Variants in FRMD4B observed in about 807,000 individuals in gnomAD.
FRMD4B encodes FERM domain-containing protein 4B.
Under a neutral mutation model 141.5 loss-of-function variants are expected in FRMD4B, and 74 were observed. The ratio of observed to expected loss-of-function variants is 0.52; its 90% confidence interval spans 0.43 to 0.63. The LOEUF is 0.63. Ranked by LOEUF, FRMD4B falls within the 30% of genes least tolerant of loss-of-function variation. The pLI is 0.00. For synonymous variants in FRMD4B, 506 were observed against 467.9 expected (o/e 1.08, Z -1.05); for missense variants, 1,366 against 1,253.4 (o/e 1.09, Z -1.36).
At chr3:69,235,421 A>T (rs564947755) in intron 7 of FRMD4B, among the ~76,000 whole-genome samples, 33 of 151,992 alleles carry the variant, frequency 2.2e-4, no homozygotes, top group African/African-American at 8.0e-4. Flanking sequence ...GCACTTTGGG[A>T]GGCAGAGGTG....
chr3:69,401,086 A>T (rs76383350), intron 2 of FRMD4B, among the ~76,000 whole-genome samples: 1 of 152,282 alleles, frequency 6.6e-6, no homozygotes. Context: ...TTTAAGATAC[A>T]CAGCATAGAA....
chr3:69,230,315 T>C (rs961842032), intron 7 of FRMD4B, among the ~76,000 whole-genome samples: 1 of 152,178 alleles, frequency 6.6e-6, no homozygotes, highest in African/African-American at 2.4e-5. Context: ...CTAGTTTATA[T>C]GGAGATGAAG....
At chr3:69,380,876 G>A (rs998725029) in intron 1 of FRMD4B, among the ~76,000 whole-genome samples, 1 of 152,190 alleles carries the variant, frequency 6.6e-6, no homozygotes, top group African/African-American at 2.4e-5. Context: ...GTTAGAACAT[G>A]TCACACTTAA....
At chr3:69,427,340 C>T (rs1436171666) in intron 2 of FRMD4B, among the ~76,000 whole-genome samples, 1 of 148,254 alleles carries the variant, frequency 6.7e-6, no homozygotes, top group Non-Finnish European at 1.5e-5. Flanking sequence ...GTTTTTTTGG[C>T]AACTCATTGT....
chr3:69,213,148 C>T (rs570173403), intron 11 of FRMD4B, among the ~76,000 whole-genome samples: 1 of 152,024 alleles, frequency 6.6e-6, no homozygotes, highest in Non-Finnish European at 1.5e-5. Flanking sequence ...AGAAATATGG[C>T]AAGGTATGAA....
intron 1 of FRMD4B, among the ~76,000 whole-genome samples, chr3:69,538,739 G>C (rs895914277): frequency 1.3e-5 from 2 of 152,170 alleles, no homozygotes; most frequent in African/African-American, 2.4e-5. Context: ...AAATTACCTA[G>C]AGGGTTTATC....
rs1432605913 is a variant in FRMD4B at position 69,473,375 on chromosome 3, T to C, written c.-128-40614A>G. 3.9e-5 allele frequency among the ~76,000 whole-genome samples: 6 copies of C among 152,248 alleles called. No homozygotes were observed. In the East Asian group the frequency reaches 1.2e-3, roughly 29 times the overall value. On this transcript the variant is annotated intron_variant, in intron 1 of 5. Transcript: ENST00000459638. ...AGTCCAGTTACAGGGTTAGAATAAA[T>C]AAAGGCCAATTCGATTTCCAGTCTA...
At chr3:69,536,351 C>T (rs1270618566) in intron 1 of FRMD4B, 24 of 676,610 alleles carry the variant, frequency 3.5e-5, no homozygotes, top group Middle Eastern at 2.5e-4. Flanking sequence ...CCCCTTGCTT[C>T]GGAGTTGAGG....
At chr3:69,507,422 G>T (rs1039269105) in intron 1 of FRMD4B, among the ~76,000 whole-genome samples, 4 of 152,076 alleles carry the variant, frequency 2.6e-5, no homozygotes, top group Admixed American at 2.6e-4. Context: ...TTGAGTCACA[G>T]TATATATATT....
Position 69,218,360 on chromosome 3 carries a change from C to T in FRMD4B, c.751G>A (p.Ala251Thr). ...TAATGGACACCGTAAGTCGGTAGAG[C>T]TTCTACTATTTTCATATACCTATGG... is the stretch of plus-strand genomic sequence containing the variant. ...AVVQYMKIVE[A>T]LPTYGVHYYA... Residue 251 changes from alanine to threonine, a missense_variant, in exon 10 of 23, where the codon GCT (alanine) becomes ACT (threonine). Transcript: ENST00000398540. The T allele has an allele frequency of 2.7e-6, 4 of 1,480,956 alleles. No homozygotes were observed. The highest frequency in any genetic ancestry group is 3.8e-6 in the Non-Finnish European group (4 of 1,064,334). 91.7% of individuals were successfully genotyped at this position (1,480,956 alleles called of 1,614,324 possible).
chr3:69,187,868 A>G lies in FRMD4B; in HGVS notation c.1821T>C (p.His607=), dbSNP rs1490104756. ...FPGQRSSSVP[H]SPRILPPKSL... is the part of the protein sequence containing the mutation. The stretch of plus-strand genomic sequence containing the variant: ...ACTTGGGGGGAAGAATTCTTGGAGA[A>G]TGAGGTACTGAACTTGATCGCTGCC... Residue 607 remains histidine (H), a synonymous_variant, in exon 19 of 23, where the codon CAT becomes CAC. Transcript: ENST00000398540. 4 of 1,609,524 alleles carry G rather than the reference A, an allele frequency of 2.5e-6. No homozygotes were observed. The South Asian group carries it at 3.3e-5, about 13-fold the overall frequency.
At chr3:69,235,028 T>C (rs1472259069) in intron 7 of FRMD4B, among the ~76,000 whole-genome samples, 1 of 151,782 alleles carries the variant, frequency 6.6e-6, no homozygotes, top group Non-Finnish European at 1.5e-5. Context: ...TGTGTGCCTG[T>C]AGTCCCAGCT....
chr3:69,362,317 T>C (rs1575764559), intron 1 of FRMD4B, among the ~76,000 whole-genome samples: 1 of 152,216 alleles, frequency 6.6e-6, no homozygotes, highest in Admixed American at 6.5e-5. Flanking sequence ...GATGAAGGCT[T>C]TGAACCTACA....
chr3:69,242,644 A>T, intron 7 of FRMD4B, among the ~76,000 whole-genome samples: 1 of 150,404 alleles, frequency 6.6e-6, no homozygotes, highest in East Asian at 2.0e-4. Flanking sequence ...TACAAGTAGA[A>T]GCACCCTAAT....
In FRMD4B at chr3:69,302,350, C is replaced by A; in HGVS notation, c.409G>T (p.Ala137Ser). Residue 137 changes from alanine (A) to serine (S), a missense_variant, in exon 4 of 23, where the codon GCT (alanine) becomes TCT (serine). Physicochemically the swap from Ala to Ser is moderately conservative, Grantham distance 99. Transcript: ENST00000398540. Reference sequence around the variant, plus strand: ...GGGTCTGTGGATACATACCTCACAGCAAAGTGCAAAATGGTTGGGCCTGGT... The same window carrying A: ...GGGTCTGTGGATACATACCTCACAGAAAAGTGCAAAATGGTTGGGCCTGGT... ...KKPGPTILHF[A>S]VRFYIESISF... 1 of 1,587,282 alleles carries A rather than the reference C, an allele frequency of 6.3e-7. No homozygotes were observed. The highest frequency in any genetic ancestry group is 8.6e-7 in the Non-Finnish European group (1 of 1,157,614).
intron 1 of FRMD4B, among the ~76,000 whole-genome samples, chr3:69,519,294 G>C (rs1050337525): frequency 2.0e-5 from 3 of 152,176 alleles, no homozygotes; most frequent in Non-Finnish European, 4.4e-5. Context: ...TGCATGGCTG[G>C]GGAGAGCAGG....
chr3:69,446,541 C>A (rs1444046131), intron 1 of FRMD4B, among the ~76,000 whole-genome samples: 1 of 152,054 alleles, frequency 6.6e-6, no homozygotes, highest in Non-Finnish European at 1.5e-5. Context: ...TTATGTTGGC[C>A]AGGCCAGTCT....
intron 5 of FRMD4B, among the ~76,000 whole-genome samples, chr3:69,274,175 G>C (rs1406782612): frequency 6.6e-6 from 1 of 152,028 alleles, no homozygotes; most frequent in South Asian, 2.1e-4. Context: ...CCTGTCAAGG[G>C]GCTTACTATA....
chr3:69,414,861 G>GTTTTTTTT (rs5849900), intron 2 of FRMD4B, among the ~76,000 whole-genome samples: 1 of 98,046 alleles, frequency 1.0e-5, no homozygotes, highest in Non-Finnish European at 1.9e-5. Context: ...CGAACAAGCT[G>GTTTTTTTT]TTTTTTTTTT....
Sources: gnomAD v4.1 joint callset for allele counts (sites outside exome capture counted in the v4.1 genomes callset) on GRCh38, gnomAD v4.1.1 for gene constraint, MANE v1.5 for transcripts, NCBI Gene and HGNC (gene_info 2026-07-23, HGNC 2026-07-21) for gene names.